The following EYS variants were observed in gnomAD, a reference collection of about 807,000 sequenced individuals.
EYS encodes the protein EGF-like photoreceptor maintenance factor.
A neutral mutation model predicts 282.1 loss-of-function variants in EYS; 250 were observed. That is an observed-to-expected ratio of 0.89 (90% CI 0.80 to 0.98). The LOEUF is 0.98. EYS is among the 50% of genes least tolerant of loss of function. The pLI, the probability that EYS is intolerant of heterozygous loss-of-function variation, is 0.00. For synonymous variants in EYS, 1,355 were observed against 1,282.9 expected, an observed-to-expected ratio of 1.06 and a Z score of -1.20; for missense variants, 4,016 against 3,709.0, an observed-to-expected ratio of 1.08 and a Z score of -2.15.
intron 30 of EYS, among the ~76,000 whole-genome samples, chr6:64,286,464 G>A (rs879761637): frequency 3.3e-5 from 5 of 152,220 alleles, no homozygotes; most frequent in Admixed American, 3.3e-4. Flanking sequence ...CATCAGAAAG[G>A]TAAACCAATA....
chr6:65,073,810 A>T (rs1773969138), intron 12 of EYS, among the ~76,000 whole-genome samples: 1 of 152,000 alleles, frequency 6.6e-6, no homozygotes, highest in African/African-American at 2.4e-5. Context: ...GTAGCTCTGG[A>T]ATGAAGTAAT....
At chr6:65,051,412 T>C (rs1185434717) in intron 13 of EYS, among the ~76,000 whole-genome samples, 1 of 151,532 alleles carries the variant, frequency 6.6e-6, no homozygotes, top group Admixed American at 6.6e-5. Context: ...GAATTGTGCA[T>C]CATACTTTAT....
At chr6:64,216,487 C>G (rs1277282444) in intron 31 of EYS, among the ~76,000 whole-genome samples, 1 of 152,142 alleles carries the variant, frequency 6.6e-6, no homozygotes, top group Non-Finnish European at 1.5e-5. Flanking sequence ...CTGTTGAATT[C>G]AAGTGGTCAT....
intron 31 of EYS, among the ~76,000 whole-genome samples, chr6:64,184,438 T>A (rs1764875486): frequency 6.6e-6 from 1 of 152,134 alleles, no homozygotes. Flanking sequence ...AGCAAAAGGC[T>A]AGCATGTTAA....
chr6:64,694,752 A>G (rs1770516717), intron 22 of EYS, among the ~76,000 whole-genome samples: 1 of 152,172 alleles, frequency 6.6e-6, no homozygotes. Context: ...TGGGAGTTGG[A>G]TGTCCCCACT....
At chr6:64,848,342 T>C (rs942068398) in intron 19 of EYS, among the ~76,000 whole-genome samples, 1 of 152,068 alleles carries the variant, frequency 6.6e-6, no homozygotes, top group African/African-American at 2.4e-5. Context: ...AAATCAAATG[T>C]TTATATATAT....
intron 12 of EYS, among the ~76,000 whole-genome samples, chr6:65,156,959 A>T (rs555332424): frequency 6.0e-5 from 9 of 150,930 alleles, no homozygotes; most frequent in Non-Finnish European, 1.2e-4. Flanking sequence ...TAGCCACTCA[A>T]TTCTAAAACA....
chr6:64,673,785 C>T (rs1769551858), intron 22 of EYS, among the ~76,000 whole-genome samples: 1 of 151,950 alleles, frequency 6.6e-6, no homozygotes, highest in African/African-American at 2.4e-5. Flanking sequence ...CACATTCTTA[C>T]AATGTTTTAA....
intron 1 of EYS, among the ~76,000 whole-genome samples, chr6:65,642,356 A>G (rs537014551): frequency 6.6e-6 from 1 of 152,202 alleles, no homozygotes; most frequent in East Asian, 1.9e-4. Flanking sequence ...TATTTGTAGG[A>G]ATAATTAGAG....
intron 12 of EYS, among the ~76,000 whole-genome samples, chr6:65,238,592 A>G (rs1012610404): frequency 4.6e-5 from 7 of 152,022 alleles, no homozygotes; most frequent in East Asian, 1.9e-4. Context: ...AATAAAGTGT[A>G]CGAAAGCACT....
rs537604456 is a variant in EYS, at chr6:64,811,467, C to T, written c.3443+1911G>A. The stretch of plus-strand genomic sequence containing the variant: ...AAGCTAGCCTGTGGATAACTTTTCC[C>T]TAAAAGGAATATTTATACAGGAGCT... On this transcript the variant is annotated intron_variant, in intron 22 of 42. Coordinates refer to ENST00000503581, the MANE Select transcript of EYS (RefSeq NM_001142800.2). Among the ~76,000 whole-genome samples, 50 of 151,462 alleles carry T rather than the reference C, an allele frequency of 3.3e-4. No individual in the cohort carries two copies. The South Asian group carries it at 0.01, about 31-fold the overall frequency.
At chr6:64,208,865 T>C (rs1041370035) in intron 31 of EYS, among the ~76,000 whole-genome samples, 1 of 152,148 alleles carries the variant, frequency 6.6e-6, no homozygotes, top group Non-Finnish European at 1.5e-5. Flanking sequence ...CATATTCCAC[T>C]GTAATTGCTC....
intron 10 of EYS, among the ~76,000 whole-genome samples, chr6:65,338,754 A>G (rs1432046212): frequency 6.6e-6 from 1 of 151,152 alleles, no homozygotes; most frequent in Non-Finnish European, 1.5e-5. Context: ...AAACAGAAGT[A>G]AAACAAACAG....
Position 63,827,688 on chromosome 6 carries a change from C to CA in EYS, c.7229-21317dup, listed in dbSNP as rs1451361598. Among the ~76,000 whole-genome samples, 87 of 151,762 alleles carry CA rather than the reference C, an allele frequency of 5.7e-4. No individual in the cohort carries two copies. In the South Asian group the frequency reaches 6.5e-3, roughly 11 times the overall value. On this transcript the variant is annotated intron_variant, in intron 36 of 42. Coordinates refer to ENST00000503581, the MANE Select transcript of EYS (RefSeq NM_001142800.2). The stretch of plus-strand genomic sequence containing the variant: ...TGAAACCCCGTCTCTACTAAAAATA[C>CA]AAAAAATTAGCCGGGCGCTGTGGCG...
chr6:64,774,769 T>C (rs1365767498), intron 22 of EYS, among the ~76,000 whole-genome samples: 3 of 151,956 alleles, frequency 2.0e-5, no homozygotes, highest in African/African-American at 7.2e-5. Flanking sequence ...AATTTACTTT[T>C]CTCAGACTAA....
chr6:65,627,699 G>A (rs12197389), intron 2 of EYS, among the ~76,000 whole-genome samples: 54,229 of 152,090 alleles, frequency 0.36, 12,063 homozygotes, highest in Non-Finnish European at 0.49. Flanking sequence ...CAGTGGCTGC[G>A]GAGAGTGAAC....
At chr6:64,808,582 G>A (rs1235110622) in intron 22 of EYS, among the ~76,000 whole-genome samples, 2 of 151,688 alleles carry the variant, frequency 1.3e-5, no homozygotes, top group Non-Finnish European at 2.9e-5. Context: ...CAAGACCACT[G>A]AACTCAAAGT....
At chr6:65,295,254 T>C (rs1406976449) in intron 12 of EYS, among the ~76,000 whole-genome samples, 2 of 151,946 alleles carry the variant, frequency 1.3e-5, no homozygotes, top group African/African-American at 4.8e-5. Flanking sequence ...TAAATAATTA[T>C]ATCAATGTAA....
At chr6:65,121,757 A>G (rs1775558580) in intron 12 of EYS, among the ~76,000 whole-genome samples, 1 of 152,166 alleles carries the variant, frequency 6.6e-6, no homozygotes, top group African/African-American at 2.4e-5. Context: ...ATAAATTGCC[A>G]TAGTGATTTG....
Sources: gnomAD v4.1 joint callset for allele counts (sites outside exome capture counted in the v4.1 genomes callset) on GRCh38, gnomAD v4.1.1 for gene constraint, MANE v1.5 for transcripts, NCBI Gene and HGNC (gene_info 2026-07-23, HGNC 2026-07-21) for gene names.